LRP12: variants seen among roughly 807,000 people sequenced by gnomAD.
LRP12 encodes LDL receptor related protein 12, also known as low-density lipoprotein receptor-related protein 12.
In LRP12, 14 loss-of-function variants were observed where a neutral mutation model predicts 66.0. That is an observed-to-expected ratio of 0.21 (90% CI 0.14 to 0.33). The LOEUF is 0.33. Ranked by LOEUF, LRP12 falls within the 10% of genes least tolerant of loss-of-function variation. The probability of loss-of-function intolerance (pLI) is 1.00; values close to 1 mark genes in which losing one functional copy is unlikely to be tolerated. For synonymous variants in LRP12, 357 were observed against 359.1 expected, an observed-to-expected ratio of 0.99 and a Z score of 0.07; for missense variants, 889 against 1,053.4, an observed-to-expected ratio of 0.84 and a Z score of 2.16.
At chr8:104,509,517 C>T (rs1167403104) in intron 2 of LRP12, among the ~76,000 whole-genome samples, 1 of 152,138 alleles carries the variant, frequency 6.6e-6, no homozygotes, top group Non-Finnish European at 1.5e-5. Context: ...CCATTAGTTA[C>T]TTAGTAGCCA....
At chr8:104,561,685 GT>G (rs1811909503) in intron 1 of LRP12, among the ~76,000 whole-genome samples, 1 of 152,152 alleles carries the variant, frequency 6.6e-6, no homozygotes, top group Admixed American at 6.6e-5. Flanking sequence ...AAACCAAGGA[GT>G]TTTTATAAAT....
chr8:104,498,581 A>G (rs956891884), intron 4 of LRP12, among the ~76,000 whole-genome samples: 1 of 152,216 alleles, frequency 6.6e-6, no homozygotes, highest in Non-Finnish European at 1.5e-5. Context: ...ATGGCTGCAT[A>G]GTATTCCATG....
intron 2 of LRP12, among the ~76,000 whole-genome samples, chr8:104,511,558 T>A (rs983597640): frequency 6.6e-6 from 1 of 152,134 alleles, no homozygotes; most frequent in African/African-American, 2.4e-5. Flanking sequence ...ACAGGGGTTA[T>A]ACACTTTTCA....
intron 2 of LRP12, among the ~76,000 whole-genome samples, chr8:104,531,631 T>C (rs1011505974): frequency 1.3e-5 from 2 of 152,140 alleles, no homozygotes; most frequent in Non-Finnish European, 2.9e-5. Context: ...AAAATACTAA[T>C]TCAACTTGAG....
Position 104,540,513 on chromosome 8 carries a change from T to C in LRP12, c.80-8550A>G, listed in dbSNP as rs545596391. The stretch of plus-strand genomic sequence containing the variant: ...AAATACCTATAATGAGATGTTTACT[T>C]TTGTAAAAAAGGTTATGAAATCCCT... On this transcript the variant is annotated intron_variant, in intron 1 of 6. Coordinates refer to ENST00000276654, the MANE Select transcript of LRP12 (RefSeq NM_013437.5). Among the ~76,000 whole-genome samples, 7 of 152,260 alleles carry C rather than the reference T, an allele frequency of 4.6e-5. No individual in the cohort carries two copies. The South Asian group carries it at 1.2e-3, about 27-fold the overall frequency.
In LRP12 at chr8:104,552,573, C is replaced by T. The variant is rs181386740; in HGVS notation, c.80-20610G>A. 7.9e-5 allele frequency among the ~76,000 whole-genome samples: 12 copies of T among 152,158 alleles called. No homozygotes were observed. The East Asian group carries it at 2.3e-3, about 29-fold the overall frequency. ...TTTCACTTACTTCTACTTAAGTCATCTCATAGCTTACCTACTCTTTCATGG... is the reference window on the plus strand; with the variant it reads ...TTTCACTTACTTCTACTTAAGTCATTTCATAGCTTACCTACTCTTTCATGG... On this transcript the variant is annotated intron_variant, in intron 1 of 6. Transcript: ENST00000276654.
intron 1 of LRP12, among the ~76,000 whole-genome samples, chr8:104,549,556 C>T (rs1811695623): frequency 6.6e-6 from 1 of 151,958 alleles, no homozygotes; most frequent in Non-Finnish European, 1.5e-5. Context: ...GCGCCTGCCA[C>T]CGCACCTGGC....
intron 1 of LRP12, among the ~76,000 whole-genome samples, chr8:104,558,788 T>C (rs983186790): frequency 4.0e-5 from 6 of 149,898 alleles, no homozygotes; most frequent in African/African-American, 1.5e-4. Flanking sequence ...TATTGAAAAG[T>C]CTGCTAAGGA....
chr8:104,568,249 C>T (rs934569979), intron 1 of LRP12, among the ~76,000 whole-genome samples: 1 of 152,092 alleles, frequency 6.6e-6, no homozygotes, highest in Non-Finnish European at 1.5e-5. Context: ...CCCTACCTCA[C>T]ATCATATGCA....
At chr8:104,566,914 C>T (rs1380926436) in intron 1 of LRP12, among the ~76,000 whole-genome samples, 3 of 151,650 alleles carry the variant, frequency 2.0e-5, no homozygotes, top group Admixed American at 2.0e-4. Context: ...TTATGGGTAA[C>T]CTCCTTGGCT....
At chr8:104,562,478 A>G (rs920937837) in intron 1 of LRP12, among the ~76,000 whole-genome samples, 1 of 152,226 alleles carries the variant, frequency 6.6e-6, no homozygotes, top group East Asian at 1.9e-4. Context: ...ATGATATGTC[A>G]AATAATACCA....
intron 2 of LRP12, among the ~76,000 whole-genome samples, chr8:104,521,886 A>C (rs1359684257): frequency 1.3e-5 from 2 of 151,982 alleles, no homozygotes; most frequent in Admixed American, 1.3e-4. Flanking sequence ...TAATTGAATA[A>C]TTGTAAAATA....
At position 104,497,826 on chromosome 8, in the gene LRP12, G is replaced by A; in HGVS notation, c.726C>T (p.Asn242=). Residue 242 remains asparagine (N), a synonymous_variant, in exon 5 of 7, where the codon AAC becomes AAT. Transcript: ENST00000276654. This position sits in a 1 kb window ranked among gnomAD's most constrained non-coding sequence, Gnocchi z 4.3. Reference sequence around the variant, plus strand: ...CATCTCCTAGGTCAAGGCAGTCAATGTTCCCATCACATTTTAAAGATTCGG... The same window carrying A: ...CATCTCCTAGGTCAAGGCAGTCAATATTCCCATCACATTTTAAAGATTCGG... ...CLPESLKCDG[N]IDCLDLGDEI... The A allele has an allele frequency of 1.9e-6, 3 of 1,614,192 alleles. No individual in the cohort carries two copies. The highest frequency in any genetic ancestry group is 2.5e-6 in the Non-Finnish European group (3 of 1,180,034).
intron 6 of LRP12, among the ~76,000 whole-genome samples, chr8:104,491,767 T>C (rs956560651): frequency 5.3e-5 from 8 of 152,182 alleles, no homozygotes; most frequent in Admixed American, 6.5e-5. Context: ...TAAACTTTTC[T>C]TGATATTCCA....
At chr8:104,492,351 G>C (rs567612834) in intron 6 of LRP12, among the ~76,000 whole-genome samples, 35 of 152,082 alleles carry the variant, frequency 2.3e-4, no homozygotes, top group Non-Finnish European at 4.1e-4. Flanking sequence ...CTAGATGAAC[G>C]AGTTTAGAGT....
chr8:104,558,157 T>C (rs925072478), intron 1 of LRP12, among the ~76,000 whole-genome samples: 1 of 151,916 alleles, frequency 6.6e-6, no homozygotes, highest in African/African-American at 2.4e-5. Flanking sequence ...CTGCAGTGAA[T>C]TGAGATCACA....
chr8:104,546,247 C>T (rs1811554452), intron 1 of LRP12, among the ~76,000 whole-genome samples: 1 of 152,054 alleles, frequency 6.6e-6, no homozygotes, highest in South Asian at 2.1e-4. Context: ...ATAAAATCAG[C>T]TTTGTTGAGG....
chr8:104,531,842 G>C (rs1811328529), intron 2 of LRP12, 65 bp downstream of exon 2: 6 of 1,018,100 alleles, frequency 5.9e-6, no homozygotes, highest in Non-Finnish European at 9.0e-6. Flanking sequence ...TAAGATACCA[G>C]GTGGCTTTCA....
chr8:104,500,744 T>G (rs2140835853), intron 3 of LRP12, among the ~76,000 whole-genome samples: 1 of 152,212 alleles, frequency 6.6e-6, no homozygotes, highest in African/African-American at 2.4e-5. Context: ...AACAAAACCC[T>G]TATACATGTA....
Sources: gnomAD v4.1 joint callset for allele counts (sites outside exome capture counted in the v4.1 genomes callset) on GRCh38, gnomAD v4.1.1 for gene constraint, Gnocchi (gnomAD v3.1) non-coding constraint, MANE v1.5 for transcripts, NCBI Gene and HGNC (gene_info 2026-07-23, HGNC 2026-07-21) for gene names.